Variants in SMURF1 observed in about 807,000 individuals in gnomAD.
The protein encoded by SMURF1 is E3 ubiquitin-protein ligase SMURF1.
A neutral mutation model predicts 98.0 loss-of-function variants in SMURF1; 44 were observed. The observed-to-expected ratio is 0.45, with a 90% CI of 0.35 to 0.58. The LOEUF is 0.58. SMURF1 is among the 20% of genes least tolerant of loss of function. The probability of loss-of-function intolerance (pLI) is 0.00; values close to 1 mark genes in which losing one functional copy is unlikely to be tolerated. For synonymous variants in SMURF1, 396 were observed against 374.9 expected (o/e 1.06, Z -0.65); for missense variants, 687 against 938.4 (o/e 0.73, Z 3.50).
At position 99,038,370 on chromosome 7, in the gene SMURF1, CCCGACAGGTGGCAT is replaced by C; in HGVS notation, c.1688+4_1688+17del. 6.2e-7 allele frequency: 1 copy of C among 1,612,710 alleles called. No homozygotes were observed. The highest frequency in any genetic ancestry group is 8.5e-7 in the Non-Finnish European group (1 of 1,179,560). ...GCCGCGCCCCAGGCACCTGGCCGTCCCCGACAGGTGGCATTACCGGACGTATTCTTTCTTATTCT... is the reference window on the plus strand; with the variant it reads ...GCCGCGCCCCAGGCACCTGGCCGTCCTACCGGACGTATTCTTTCTTATTCT... On this transcript the variant is annotated splice_donor_5th_base_variant and intron_variant, in intron 14 of 17. Coordinates refer to ENST00000361368, the MANE Select transcript of SMURF1 (RefSeq NM_181349.3).
intron 1 of SMURF1, among the ~76,000 whole-genome samples, chr7:99,109,257 G>A (rs1015134842): frequency 2.0e-5 from 3 of 152,146 alleles, no homozygotes; most frequent in Non-Finnish European, 2.9e-5. Context: ...CACTCTTAGT[G>A]CCAGCCTCGC....
At chr7:99,067,694 G>A (rs1259351881) in intron 1 of SMURF1, among the ~76,000 whole-genome samples, 3 of 152,156 alleles carry the variant, frequency 2.0e-5, no homozygotes, top group South Asian at 2.1e-4. Context: ...GCTCACGCCT[G>A]TAATCCCAGC....
intron 1 of SMURF1, among the ~76,000 whole-genome samples, chr7:99,115,057 C>T (rs1304041932): frequency 6.6e-6 from 1 of 151,684 alleles, no homozygotes; most frequent in Non-Finnish European, 1.5e-5. Context: ...AAATCAATAA[C>T]CTAAACTTCC....
At chr7:99,062,316 C>G (rs1223525511) in intron 1 of SMURF1, among the ~76,000 whole-genome samples, 1 of 152,036 alleles carries the variant, frequency 6.6e-6, no homozygotes, top group Non-Finnish European at 1.5e-5. Flanking sequence ...TACCGATATT[C>G]TCTTATACTG....
intron 1 of SMURF1, among the ~76,000 whole-genome samples, chr7:99,062,485 A>T (rs1463869308): frequency 2.0e-5 from 3 of 152,130 alleles, no homozygotes; most frequent in Non-Finnish European, 4.4e-5. Flanking sequence ...AAGCAAGGGG[A>T]AGGTGGTAAA....
chr7:99,100,330 G>A (rs1797050037), intron 1 of SMURF1, among the ~76,000 whole-genome samples: 2 of 152,210 alleles, frequency 1.3e-5, no homozygotes, highest in Admixed American at 6.5e-5. Context: ...CGAGGAGTGT[G>A]GATTTCCTGA....
At chr7:99,068,470 T>A (rs963905621) in intron 1 of SMURF1, among the ~76,000 whole-genome samples, 1 of 152,080 alleles carries the variant, frequency 6.6e-6, no homozygotes, top group Non-Finnish European at 1.5e-5. Context: ...TTCCTATTTT[T>A]AAAAAATCTC....
At chr7:99,037,835 G>A (rs905645691) in intron 14 of SMURF1, among the ~76,000 whole-genome samples, 4 of 152,234 alleles carry the variant, frequency 2.6e-5, no homozygotes, top group African/African-American at 9.6e-5. Context: ...AGGATTGCTT[G>A]AGGCCAGGGG....
chr7:99,050,550 T>TATCTCCTGAATGATTAATG (rs1554439574), intron 8 of SMURF1: 1 of 152,338 alleles, frequency 6.6e-6, no homozygotes, highest in Non-Finnish European at 1.5e-5. Context: ...AATGATTAAT[T>TATCTCCTGAATGATTAATG]ATTCTCCTGA....
intron 1 of SMURF1, among the ~76,000 whole-genome samples, chr7:99,108,188 A>G (rs1797234049): frequency 6.6e-6 from 1 of 152,096 alleles, no homozygotes; most frequent in Non-Finnish European, 1.5e-5. Flanking sequence ...GGTCCATACC[A>G]GGCATTCCCT....
chr7:99,049,336 G>T (rs1026460722), intron 9 of SMURF1: 2 of 505,606 alleles, frequency 4.0e-6, no homozygotes. Context: ...TAAATTTTAT[G>T]TAGGCTGCAA....
chr7:99,038,549 G>A (rs1436237985), intron 13 of SMURF1, 24 bp from the exon 14 acceptor site: 2 of 1,611,944 alleles, frequency 1.2e-6, no homozygotes, highest in Non-Finnish European at 1.7e-6. Context: ...ACAGAAGGAT[G>A]TAGGTTAGAA....
chr7:99,143,591 G>A, intron 1 of SMURF1, 135 bp downstream of exon 1: 2 of 659,034 alleles, frequency 3.0e-6, no homozygotes, highest in Non-Finnish European at 2.3e-6. Context: ...AGCGAGGGGC[G>A]CACGCCGAAG....
At chr7:99,110,442 T>C (rs1292704198) in intron 1 of SMURF1, among the ~76,000 whole-genome samples, 1 of 152,144 alleles carries the variant, frequency 6.6e-6, no homozygotes, top group Non-Finnish European at 1.5e-5. Context: ...GAACTAGATA[T>C]CAAGAGCTAG....
At chr7:99,089,642 TAAAACAAAACAAAACAAAAC>T (rs59262301) in intron 1 of SMURF1, among the ~76,000 whole-genome samples, 1 of 151,754 alleles carries the variant, frequency 6.6e-6, no homozygotes, top group African/African-American at 2.4e-5. Flanking sequence ...CCCTGTCTCT[TAAAACAAAACAAAACAAAAC>T]AAAACAAAAC....
At chr7:99,055,054 G>C (rs1055746701) in intron 5 of SMURF1, among the ~76,000 whole-genome samples, 189 bp from the exon 6 acceptor site, 5 of 152,074 alleles carry the variant, frequency 3.3e-5, no homozygotes, top group Admixed American at 3.3e-4. Context: ...CATGCTACTT[G>C]GAATATTCCT....
At position 99,037,184 on chromosome 7, in the gene SMURF1, C is replaced by T. The variant is rs1795177950; in HGVS notation, c.1692G>A (p.Leu564=). The change falls in exon 15 of 18, where the codon TTG becomes TTA. Residue 564 remains leucine, a synonymous_variant. Coordinates refer to ENST00000361368, the MANE Select transcript of SMURF1 (RefSeq NM_181349.3). ...CTCTCATAAACCTCCAGTTTACATA[C>T]AACCTGGAAGAAAAACTCGCAAGTT... The part of the protein sequence containing the change: ...TEENKKEYVR[L]YVNWRFMRGI... The T allele has an allele frequency of 1.2e-6, 2 of 1,613,936 alleles. No homozygotes were observed. The highest frequency in any genetic ancestry group is 3.3e-5 in the Admixed American group (2 of 60,004).
chr7:99,035,633 G>A lies in SMURF1; in HGVS notation c.1893C>T (p.Asn631=). ...CCGCTTGCCAGAACCACCGCACGAT[G>A]TTGCTGTCGGCCACACAGTGCTTCA... The part of the protein sequence containing the change: ...TRLKHCVADS[N]IVRWFWQAVE... Residue 631 remains asparagine (N), a synonymous_variant, in exon 16 of 18, where the codon AAC becomes AAT. Coordinates refer to ENST00000361368, the MANE Select transcript of SMURF1 (RefSeq NM_181349.3). 1.2e-6 allele frequency: 2 copies of A among 1,614,244 alleles called. No homozygotes were observed. The highest frequency in any genetic ancestry group is 1.7e-6 in the Non-Finnish European group (2 of 1,180,052).
At chr7:99,084,026 T>C (rs1222913470) in intron 1 of SMURF1, among the ~76,000 whole-genome samples, 1 of 152,356 alleles carries the variant, frequency 6.6e-6, no homozygotes, top group East Asian at 1.9e-4. Flanking sequence ...CTGTATTTCC[T>C]CCACAAACTG....
Sources: allele counts gnomAD v4.1 joint callset (sites outside exome capture counted in the v4.1 genomes callset), GRCh38; gene constraint gnomAD v4.1.1; transcripts MANE v1.5; gene names NCBI Gene and HGNC (gene_info 2026-07-23, HGNC 2026-07-21).